The following CHN2 variants were observed in gnomAD, a reference collection of about 807,000 sequenced individuals.
CHN2 encodes the protein chimerin 2.
A neutral mutation model predicts 56.3 loss-of-function variants in CHN2; 35 were observed. The ratio of observed to expected loss-of-function variants is 0.62; its 90% CI spans 0.47 to 0.82. The LOEUF is 0.82. Ranked by LOEUF, CHN2 falls within the 40% of genes least tolerant of loss-of-function variation. The pLI is 0.00. For missense variants in CHN2, 491 were observed against 580.5 expected (o/e 0.85, Z 1.58); for synonymous variants, 210 against 212.8 (o/e 0.99, Z 0.12).
intron 1 of CHN2, among the ~76,000 whole-genome samples, chr7:29,324,874 T>C (rs1562518449): frequency 6.6e-6 from 1 of 152,210 alleles, no homozygotes; most frequent in Non-Finnish European, 1.5e-5. Context: ...TTTGATTAAA[T>C]ATTCCCTGGG....
At chr7:29,159,281 G>A (rs929089596) in intron 2 of CHN2, among the ~76,000 whole-genome samples, 3 of 152,112 alleles carry the variant, frequency 2.0e-5, no homozygotes, top group East Asian at 1.9e-4. Flanking sequence ...GAGGTCACGT[G>A]GTTTTCCACT....
intron 1 of CHN2, among the ~76,000 whole-genome samples, chr7:29,321,574 T>C (rs13244746): frequency 3.5e-5 from 5 of 143,300 alleles, no homozygotes; most frequent in African/African-American, 9.9e-5. Context: ...TTCTTTCTTT[T>C]TTTTTTTTTT....
intron 2 of CHN2, chr7:29,147,159 G>C: frequency 1.4e-6 from 1 of 711,750 alleles, no homozygotes; most frequent in South Asian, 2.0e-5. Context: ...CCACCACCAG[G>C]TGCTGGGCAT....
chr7:29,207,238 A>C (rs1784582529), intron 1 of CHN2, among the ~76,000 whole-genome samples: 1 of 152,234 alleles, frequency 6.6e-6, no homozygotes, highest in Non-Finnish European at 1.5e-5. Context: ...CTTCCTGGAC[A>C]GGATGCTTGC....
At chr7:29,405,161 C>CACACACA (rs1554287645) in intron 6 of CHN2, among the ~76,000 whole-genome samples, 7 of 49,810 alleles carry the variant, frequency 1.4e-4, no homozygotes, top group African/African-American at 4.2e-4. Flanking sequence ...GCTTATGTCA[C>CACACACA]CATACACACA....
At chr7:29,271,405 A>G (rs1790630581) in intron 1 of CHN2, among the ~76,000 whole-genome samples, 1 of 152,202 alleles carries the variant, frequency 6.6e-6, no homozygotes, top group South Asian at 2.1e-4. Context: ...TCCTCTAAAG[A>G]TGAAGCATTT....
In CHN2 at chr7:29,394,953, A is replaced by G. The variant is rs564690926; in HGVS notation, c.176+1243A>G. Among the ~76,000 whole-genome samples, 34 of 152,322 alleles carry G rather than the reference A, an allele frequency of 2.2e-4. 1 individual carries two copies. In the South Asian group the frequency reaches 3.7e-3, roughly 17 times the overall value. ...TGTTTTCTTAACTACCAAAAGGAAC[A>G]TCTTTTATTAGATGGTAATTAGCCT... On this transcript the variant is annotated intron_variant, in intron 4 of 12. Coordinates refer to ENST00000222792, the MANE Select transcript of CHN2 (RefSeq NM_004067.4).
At chr7:29,287,500 T>C (rs1366935933) in intron 1 of CHN2, among the ~76,000 whole-genome samples, 1 of 152,210 alleles carries the variant, frequency 6.6e-6, no homozygotes, top group Admixed American at 6.5e-5. Flanking sequence ...TTATGATACC[T>C]ACTCATGGAG....
At chr7:29,354,684 T>A (rs1798148780) in intron 2 of CHN2, 21 bp downstream of exon 2, 13 of 1,610,456 alleles carry the variant, frequency 8.1e-6, no homozygotes, top group Non-Finnish European at 1.1e-5. Context: ...GAAATGAAAA[T>A]CTCCCCAGAA....
At chr7:29,301,494 G>A (rs944951825) in intron 1 of CHN2, among the ~76,000 whole-genome samples, 3 of 152,106 alleles carry the variant, frequency 2.0e-5, no homozygotes, top group African/African-American at 7.2e-5. Context: ...CCTGAACGCT[G>A]GATGATCCAA....
intron 6 of CHN2, among the ~76,000 whole-genome samples, chr7:29,453,526 G>A (rs1784546169): frequency 6.6e-6 from 1 of 152,158 alleles, no homozygotes; most frequent in Non-Finnish European, 1.5e-5. Context: ...CTCCAGCTCT[G>A]AGAGAGAGTT....
intron 3 of CHN2, among the ~76,000 whole-genome samples, chr7:29,390,053 CAAA>C (rs59954760): frequency 3.3e-5 from 4 of 122,006 alleles, no homozygotes; most frequent in African/African-American, 3.2e-5. Flanking sequence ...GACACTGTCT[CAAA>C]AAAAAAAAAA....
chr7:29,146,598 C>G (rs1238477962), exon 1 of CHN2: 4 of 1,550,230 alleles, frequency 2.6e-6, no homozygotes, highest in Admixed American at 2.0e-5. Context: ...CCCAGACCCA[C>G]AGGGCAAAAA....
intron 1 of CHN2, among the ~76,000 whole-genome samples, chr7:29,236,758 A>G (rs963516192): frequency 2.0e-5 from 3 of 152,208 alleles, no homozygotes; most frequent in Admixed American, 6.5e-5. Context: ...TAGGGGCTCT[A>G]AGGGAGAATC....
intron 1 of CHN2, among the ~76,000 whole-genome samples, chr7:29,291,211 A>G (rs568054230): frequency 6.6e-6 from 1 of 152,130 alleles, no homozygotes; most frequent in Admixed American, 6.5e-5. Flanking sequence ...GCTTGGGCCC[A>G]CTCACCCAAC....
chr7:29,406,115 T>A (rs528126148), intron 6 of CHN2, among the ~76,000 whole-genome samples: 1 of 152,248 alleles, frequency 6.6e-6, no homozygotes, highest in African/African-American at 2.4e-5. Context: ...ACAGCTCTTA[T>A]TTGCTTTTTC....
At chr7:29,301,930 C>G (rs973636764) in intron 1 of CHN2, among the ~76,000 whole-genome samples, 16 of 152,308 alleles carry the variant, frequency 1.1e-4, no homozygotes, top group African/African-American at 3.8e-4. Context: ...TAGACTGAAG[C>G]TGGCCACTTT....
intron 6 of CHN2, among the ~76,000 whole-genome samples, chr7:29,435,043 G>A (rs1344124759): frequency 6.6e-6 from 1 of 152,064 alleles, no homozygotes; most frequent in African/African-American, 2.4e-5. Context: ...AGTGAGCCAA[G>A]ATTGCACCAC....
intron 7 of CHN2, 46 bp downstream of exon 7, chr7:29,480,402 G>A (rs1787063296): frequency 1.9e-6 from 3 of 1,574,086 alleles, no homozygotes; most frequent in Middle Eastern, 1.7e-4. Flanking sequence ...AAGGGCAGGT[G>A]GAAAGGTACA....
Sources: gnomAD v4.1 joint callset for allele counts (sites outside exome capture counted in the v4.1 genomes callset) on GRCh38, gnomAD v4.1.1 for gene constraint, MANE v1.5 for transcripts, NCBI Gene and HGNC (gene_info 2026-07-23, HGNC 2026-07-21) for gene names.